Variants in IGSF21 observed in about 807,000 individuals in gnomAD.
The protein encoded by IGSF21 is immunoglobin superfamily member 21.
Under a neutral mutation model 46.8 loss-of-function variants are expected in IGSF21, and 28 were observed. The ratio of observed to expected loss-of-function variants is 0.60; its 90% CI spans 0.44 to 0.82. The LOEUF (loss-of-function observed/expected upper bound fraction) is 0.82. Among genes scored for constraint, IGSF21 ranks in the 40% least tolerant of loss-of-function variants. IGSF21 has a pLI of 0.00. For missense variants in IGSF21, 624 were observed against 665.5 expected (o/e 0.94, Z 0.69); for synonymous variants, 284 against 273.6 (o/e 1.04, Z -0.38).
intron 1 of IGSF21, among the ~76,000 whole-genome samples, chr1:18,155,384 G>A (rs957917847): frequency 5.9e-5 from 9 of 152,170 alleles, no homozygotes; most frequent in African/African-American, 2.2e-4. Context: ...CTGTAAAATG[G>A]GGATAAGGAT....
chr1:18,262,401 G>A (rs1482352561), intron 2 of IGSF21, among the ~76,000 whole-genome samples: 12 of 152,146 alleles, frequency 7.9e-5, no homozygotes, highest in African/African-American at 2.2e-4. Flanking sequence ...CAGAGGGTCC[G>A]GCTTTGAATC....
rs570910559 is a variant in IGSF21 at position 18,290,409 on chromosome 1, G to T, written c.184-1457G>T. On this transcript the variant is annotated intron_variant, in intron 2 of 9. Transcript: ENST00000251296. The surrounding 1 kb of genome is among the most constrained non-coding windows in gnomAD (Gnocchi z 4.2). ...AGGGGTAAGGAGAAGCCGTGCCCTG[G>T]GAAGTCTCACTGCCGCTTCCTCTCA... 3.5e-3 allele frequency among the ~76,000 whole-genome samples: 528 copies of T among 152,278 alleles called. 1 individual carries two copies. Among genetic ancestry groups the T allele is most frequent in the Non-Finnish European group, 6.2e-3 (421 of 68,018 alleles).
intron 2 of IGSF21, among the ~76,000 whole-genome samples, chr1:18,246,407 A>G (rs109490): frequency 0.61 from 92,901 of 151,678 alleles, 31,706 homozygotes; most frequent in Non-Finnish European, 0.75. Context: ...TGACAGCCCT[A>G]TGAGCGTGTA....
At chr1:18,145,756 C>T (rs192532720) in intron 1 of IGSF21, among the ~76,000 whole-genome samples, 24 of 152,322 alleles carry the variant, frequency 1.6e-4, no homozygotes, top group African/African-American at 5.3e-4. Context: ...AAGGAATGCG[C>T]AGGGCACCTG....
At chr1:18,119,848 A>G (rs2086219200) in intron 1 of IGSF21, among the ~76,000 whole-genome samples, 1 of 152,120 alleles carries the variant, frequency 6.6e-6, no homozygotes, top group Non-Finnish European at 1.5e-5. Context: ...CAGTGATTTA[A>G]ATTCTCCCTC....
chr1:18,137,620 C>T (rs947998617), intron 1 of IGSF21, among the ~76,000 whole-genome samples: 2 of 152,242 alleles, frequency 1.3e-5, no homozygotes, highest in Middle Eastern at 3.4e-3. Context: ...ACAAAGCCCA[C>T]TGAGGAAAGC....
chr1:18,322,605 C>T lies in IGSF21; in HGVS notation c.306-12287C>T, dbSNP rs903967433. Among the ~76,000 whole-genome samples, 1 of 152,192 alleles carries T rather than the reference C, an allele frequency of 6.6e-6. No individual in the cohort carries two copies. The highest frequency in any genetic ancestry group is 1.5e-5 in the Non-Finnish European group (1 of 68,046). ...ACCTGGCTCCTGGTTCCCCACCACA[C>T]GGAGTCTTTTTCTGAAGAGCACGTG... On this transcript the variant is annotated intron_variant, in intron 3 of 9. Coordinates refer to ENST00000251296, the MANE Select transcript of IGSF21 (RefSeq NM_032880.5). This position sits in a 1 kb window ranked among gnomAD's most constrained non-coding sequence, Gnocchi z 4.3.
At chr1:18,171,687 C>T (rs1316379267) in intron 1 of IGSF21, among the ~76,000 whole-genome samples, 1 of 152,238 alleles carries the variant, frequency 6.6e-6, no homozygotes, top group Non-Finnish European at 1.5e-5. Context: ...CAAAAGCCTT[C>T]ATTCTTATTT....
intron 3 of IGSF21, among the ~76,000 whole-genome samples, chr1:18,297,584 C>T (rs950009647): frequency 6.6e-6 from 1 of 151,968 alleles, no homozygotes; most frequent in Non-Finnish European, 1.5e-5. Flanking sequence ...ACAACTGTCC[C>T]TCAGGATCCA....
chr1:18,241,650 G>A (rs2084729398), intron 2 of IGSF21, among the ~76,000 whole-genome samples: 1 of 152,110 alleles, frequency 6.6e-6, no homozygotes, highest in Admixed American at 6.5e-5. Context: ...CCTCTGGCTT[G>A]GGGAGCCTGT....
intron 2 of IGSF21, among the ~76,000 whole-genome samples, chr1:18,275,758 C>T (rs2085094417): frequency 6.6e-6 from 1 of 152,132 alleles, no homozygotes; most frequent in Non-Finnish European, 1.5e-5. Flanking sequence ...GACAGGAAGC[C>T]AGATGGAAAT....
chr1:18,372,763 T>C (rs1322314178), intron 6 of IGSF21, among the ~76,000 whole-genome samples: 1 of 150,778 alleles, frequency 6.6e-6, no homozygotes, highest in African/African-American at 2.4e-5. Context: ...GATGAATGGA[T>C]GTTTGGATAG....
At chr1:18,120,752 G>T (rs571587864) in intron 1 of IGSF21, among the ~76,000 whole-genome samples, 1 of 152,288 alleles carries the variant, frequency 6.6e-6, no homozygotes, top group South Asian at 2.1e-4. Flanking sequence ...AGGTGGAACT[G>T]GCTTTTCGGC....
intron 2 of IGSF21, among the ~76,000 whole-genome samples, chr1:18,236,260 G>GT (rs1379440937): frequency 6.6e-6 from 1 of 152,138 alleles, no homozygotes; most frequent in African/African-American, 2.4e-5. Context: ...AGATCTGATG[G>GT]TTTTATAAAT....
chr1:18,319,850 C>T (rs77535374), intron 3 of IGSF21, among the ~76,000 whole-genome samples: 2,399 of 152,268 alleles, frequency 0.016, 67 homozygotes, highest in African/African-American at 0.054. Flanking sequence ...TCTAAATACA[C>T]CTGTAATCAC....
chr1:18,235,222 G>A (rs895954559), intron 2 of IGSF21, among the ~76,000 whole-genome samples: 40 of 152,206 alleles, frequency 2.6e-4, no homozygotes, highest in African/African-American at 9.2e-4. Context: ...ATGTCATGGC[G>A]TTTGTGAAAC....
chr1:18,332,077 C>G (rs556132239), intron 3 of IGSF21, among the ~76,000 whole-genome samples: 29 of 152,302 alleles, frequency 1.9e-4, no homozygotes, highest in African/African-American at 7.0e-4. Flanking sequence ...TCTTCTATAC[C>G]ACCTGTGAGA....
At chr1:18,324,466 C>T (rs905379962) in intron 3 of IGSF21, among the ~76,000 whole-genome samples, 1 of 152,180 alleles carries the variant, frequency 6.6e-6, no homozygotes, top group Non-Finnish European at 1.5e-5. Context: ...GGTCATGAGC[C>T]CCCATTTCCC....
intron 1 of IGSF21, among the ~76,000 whole-genome samples, chr1:18,197,599 G>T (rs1299137931): frequency 6.6e-6 from 1 of 152,214 alleles, no homozygotes; most frequent in African/African-American, 2.4e-5. Context: ...AGAAGTCACT[G>T]GGTGTGAAGG....
Sources: gnomAD v4.1 joint callset for allele counts (sites outside exome capture counted in the v4.1 genomes callset) on GRCh38, gnomAD v4.1.1 for gene constraint, Gnocchi (gnomAD v3.1) non-coding constraint, MANE v1.5 for transcripts, NCBI Gene and HGNC (gene_info 2026-07-23, HGNC 2026-07-21) for gene names.